SPPL3: variants seen among roughly 807,000 people sequenced by gnomAD.
The protein encoded by SPPL3 is signal peptide peptidase like 3.
In SPPL3, 5 loss-of-function variants were observed where a neutral mutation model predicts 42.4. That is an observed-to-expected ratio of 0.12 (90% confidence interval 0.06 to 0.25). The LOEUF is 0.25. SPPL3 is among the 10% of genes least tolerant of loss of function. The pLI is 1.00. For missense variants in SPPL3, 235 were observed against 489.0 expected (o/e 0.48, Z 4.90); for synonymous variants, 195 against 181.8 (o/e 1.07, Z -0.58).
At chr12:120,803,940 T>C (rs892561374) in intron 2 of SPPL3, among the ~76,000 whole-genome samples, 4 of 152,154 alleles carry the variant, frequency 2.6e-5, no homozygotes, top group Non-Finnish European at 5.9e-5. Flanking sequence ...TTGTGAACCA[T>C]AGTGACACTT....
At chr12:120,849,079 A>G (rs2137032354) in intron 1 of SPPL3, among the ~76,000 whole-genome samples, 1 of 152,246 alleles carries the variant, frequency 6.6e-6, no homozygotes, top group South Asian at 2.1e-4. Flanking sequence ...AGATGGGAGG[A>G]TTGCGTGAGC....
At chr12:120,870,713 A>G (rs1872894212) in intron 1 of SPPL3, among the ~76,000 whole-genome samples, 1 of 152,198 alleles carries the variant, frequency 6.6e-6, no homozygotes, top group Admixed American at 6.5e-5. Flanking sequence ...TGAAGACATG[A>G]TAAGTGAAGT....
chr12:120,834,253 C>T (rs1379426135), intron 1 of SPPL3, among the ~76,000 whole-genome samples: 1 of 152,186 alleles, frequency 6.6e-6, no homozygotes, highest in Non-Finnish European at 1.5e-5. Context: ...CTTGTAGCTG[C>T]CTGACCCTTC....
intron 6 of SPPL3, among the ~76,000 whole-genome samples, chr12:120,775,082 C>T (rs1869263331): frequency 6.6e-6 from 1 of 152,150 alleles, no homozygotes; most frequent in Non-Finnish European, 1.5e-5. Flanking sequence ...GCAGTGCTCA[C>T]ATTCGCGATA....
intron 1 of SPPL3, among the ~76,000 whole-genome samples, chr12:120,836,081 T>C (rs1871609452): frequency 6.6e-6 from 1 of 152,074 alleles, no homozygotes; most frequent in Non-Finnish European, 1.5e-5. Context: ...TGTGCCATCA[T>C]TTCTGTAACT....
intron 1 of SPPL3, among the ~76,000 whole-genome samples, chr12:120,862,438 G>A (rs1292400246): frequency 2.0e-5 from 3 of 152,122 alleles, no homozygotes; most frequent in South Asian, 2.1e-4. Flanking sequence ...CAGGTCACCC[G>A]TACTTCTGAC....
At chr12:120,879,174 T>C (rs1207505596) in intron 1 of SPPL3, among the ~76,000 whole-genome samples, 1 of 149,322 alleles carries the variant, frequency 6.7e-6, no homozygotes, top group Non-Finnish European at 1.5e-5. Context: ...AAAGCTACAG[T>C]TTAATACCTG....
At chr12:120,893,503 C>T (rs562132157) in intron 1 of SPPL3, among the ~76,000 whole-genome samples, 82 of 152,232 alleles carry the variant, frequency 5.4e-4, no homozygotes, top group Admixed American at 4.8e-3. Context: ...TCTCTTTCCT[C>T]AAGTCTTTCA....
intron 5 of SPPL3, 35 bp downstream of exon 5, chr12:120,783,639 G>C: frequency 6.5e-7 from 1 of 1,549,166 alleles, no homozygotes; most frequent in Non-Finnish European, 8.8e-7. Context: ...ATATATACAA[G>C]TTTATAATTT....
chr12:120,881,916 G>A (rs1057144831), intron 1 of SPPL3, among the ~76,000 whole-genome samples: 1 of 152,002 alleles, frequency 6.6e-6, no homozygotes, highest in Non-Finnish European at 1.5e-5. Flanking sequence ...GGAGAGAGGG[G>A]AATGAGGAGT....
intron 5 of SPPL3, among the ~76,000 whole-genome samples, chr12:120,783,201 T>C (rs764105066): frequency 2.0e-5 from 3 of 152,224 alleles, no homozygotes; most frequent in Non-Finnish European, 2.9e-5. Flanking sequence ...GTTTCCTAAG[T>C]GCGTTCAGCA....
chr12:120,809,976 A>ATT (rs11453590), intron 2 of SPPL3, among the ~76,000 whole-genome samples: 98 of 150,860 alleles, frequency 6.5e-4, no homozygotes, highest in African/African-American at 2.2e-3. Context: ...AACATAAAAA[A>ATT]ATTTTTTTTT....
At chr12:120,766,100 G>GCACACACACACACACACA (rs111837123) in intron 10 of SPPL3, among the ~76,000 whole-genome samples, 163 bp downstream of exon 10, 1 of 84,062 alleles carries the variant, frequency 1.2e-5, no homozygotes, top group South Asian at 3.6e-4. Flanking sequence ...GCGCGCGCGC[G>GCACACACACACACACACA]CACACACACA....
intron 1 of SPPL3, among the ~76,000 whole-genome samples, chr12:120,888,175 A>C (rs1873521577): frequency 6.6e-6 from 1 of 152,120 alleles, no homozygotes; most frequent in African/African-American, 2.4e-5. Flanking sequence ...TCTTGCGTTC[A>C]AGTGATTCTC....
At chr12:120,844,242 G>A (rs1871941429) in intron 1 of SPPL3, among the ~76,000 whole-genome samples, 1 of 152,126 alleles carries the variant, frequency 6.6e-6, no homozygotes, top group Non-Finnish European at 1.5e-5. Flanking sequence ...TACAGCACAA[G>A]TAAATGAACC....
chr12:120,827,276 T>C (rs1219888111), intron 1 of SPPL3, among the ~76,000 whole-genome samples: 1 of 150,814 alleles, frequency 6.6e-6, no homozygotes, highest in African/African-American at 2.4e-5. Context: ...ACAAAACTTA[T>C]TTGAAAGGCC....
chr12:120,883,136 C>T (rs1873344580), intron 1 of SPPL3, among the ~76,000 whole-genome samples: 1 of 151,796 alleles, frequency 6.6e-6, no homozygotes, highest in Non-Finnish European at 1.5e-5. Context: ...AACCCCGTCT[C>T]TACTAAAAAT....
chr12:120,852,732 TA>T (rs1278190597), intron 1 of SPPL3, among the ~76,000 whole-genome samples: 1 of 36,916 alleles, frequency 2.7e-5, no homozygotes, highest in African/African-American at 5.1e-5. Flanking sequence ...ATATATAATA[TA>T]CATATAATAT....
chr12:120,853,259 A>G (rs533013441), intron 1 of SPPL3, among the ~76,000 whole-genome samples: 188 of 152,306 alleles, frequency 1.2e-3, no homozygotes, highest in Non-Finnish European at 2.2e-3. Context: ...AGGCAAGCAA[A>G]TGAAGGAAAA....
Sources: allele counts gnomAD v4.1 joint callset (sites outside exome capture counted in the v4.1 genomes callset), GRCh38; gene constraint gnomAD v4.1.1; transcripts MANE v1.5; gene names NCBI Gene and HGNC (gene_info 2026-07-23, HGNC 2026-07-21).